Variants in PKP3 observed in about 807,000 individuals in gnomAD.
The protein encoded by PKP3 is plakophilin 3.
In PKP3, 66 loss-of-function variants were observed where a neutral mutation model predicts 76.5. The observed-to-expected ratio is 0.86, with a 90% CI of 0.71 to 1.06. PKP3 has a LOEUF of 1.06. PKP3 is among the 50% of genes least tolerant of loss of function. PKP3 has a pLI of 0.00. For missense variants in PKP3, 1,338 were observed against 1,141.0 expected (o/e 1.17, Z -2.49); for synonymous variants, 638 against 516.5 (o/e 1.24, Z -3.19).
Position 400,107 on chromosome 11 carries a change from G to A in PKP3, c.1414G>A (p.Ala472Thr), listed in dbSNP as rs201664455. ...CCTCATCCAGCAGAACGCCTCGGAG[G>A]CAGAGATCTTCTACAACGCCACCGG... ...PPLIQQNASE[A>T]EIFYNATGFL... The change falls in exon 6 of 13, where the codon GCA (alanine) becomes ACA (threonine). Residue 472 changes from alanine to threonine, a missense_variant. By Grantham distance (58) the Ala-to-Thr change is moderately conservative. Coordinates refer to ENST00000331563, the MANE Select transcript of PKP3 (RefSeq NM_007183.4). 826 of 1,584,730 alleles carry A rather than the reference G, an allele frequency of 5.2e-4. 1 individual carries two copies. Among genetic ancestry groups the A allele is most frequent in the Non-Finnish European group, 5.7e-4 (662 of 1,169,524 alleles).
In PKP3 at chr11:404,162, G is replaced by T; in HGVS notation, c.2270+27G>T. ...TAGGGGCCGACCCAGCCGTGCAGCA[G>T]CCTGGTCAGGGGTCCTCCCAGTCCA... On this transcript the variant is annotated intron_variant, in intron 11 of 12. Transcript: ENST00000331563. This position sits in a 1 kb window ranked among gnomAD's most constrained non-coding sequence, Gnocchi z 4.2. 2 of 1,608,392 alleles carry T rather than the reference G, an allele frequency of 1.2e-6. No homozygotes were observed. Among genetic ancestry groups the T allele is most frequent in the Non-Finnish European group, 1.7e-6 (2 of 1,176,854 alleles).
chr11:394,659 C>A, intron 1 of PKP3, 135 bp downstream of exon 1: 1 of 664,470 alleles, frequency 1.5e-6, no homozygotes, highest in Non-Finnish European at 2.0e-6. Context: ...TCACACACCC[C>A]GCCCCAGGGG....
chr11:396,882 G>A lies in PKP3; in HGVS notation c.381G>A (p.Leu127=). 6.3e-7 allele frequency: 1 copy of A among 1,599,744 alleles called. No individual in the cohort carries two copies. ...GGTCCTCCCGCTCCGCCGTGGATCTGAGCTGCAGTCGGAGGCTGAGTTCAG... is the reference window on the plus strand; with the variant it reads ...GGTCCTCCCGCTCCGCCGTGGATCTAAGCTGCAGTCGGAGGCTGAGTTCAG... The part of the protein sequence containing the change: ...ASWSSRSAVD[L]SCSRRLSSAH... Residue 127 remains leucine (L), a synonymous_variant, in exon 3 of 13, where the codon CTG becomes CTA. Coordinates refer to ENST00000331563, the MANE Select transcript of PKP3 (RefSeq NM_007183.4).
intron 6 of PKP3, 33 bp from the exon 7 acceptor site, chr11:400,301 C>T (rs769198319): frequency 6.6e-7 from 1 of 1,508,634 alleles, no homozygotes; most frequent in Non-Finnish European, 9.0e-7. Flanking sequence ...GATGCGGGGT[C>T]CCTGGGGGGC....
chr11:399,019 CTGG>C lies in PKP3; in HGVS notation c.1099_1101del (p.Val367del). The C allele has an allele frequency of 2.5e-6, 4 of 1,598,678 alleles. No homozygotes were observed. The highest frequency in any genetic ancestry group is 3.4e-6 in the Non-Finnish European group (4 of 1,170,408). ...CCGCAGCCTTCAGGCCGTGCCTAGGCTGGTGAAGCTCTTCAACCACGCCAACCA... is the reference window on the plus strand; with the variant it reads ...CCGCAGCCTTCAGGCCGTGCCTAGGCTGAAGCTCTTCAACCACGCCAACCA... On this transcript the variant is annotated inframe_deletion, in exon 5 of 13. Transcript: ENST00000331563.
intron 1 of PKP3, among the ~76,000 whole-genome samples, chr11:395,901 T>C (rs901250518): frequency 6.6e-6 from 1 of 152,176 alleles, no homozygotes; most frequent in South Asian, 2.1e-4. Flanking sequence ...CGTCGACGGC[T>C]GTCCCACCCC....
Position 400,029 on chromosome 11 carries a change from G to C in PKP3, c.1336G>C (p.Glu446Gln), listed in dbSNP as rs1281864201. 15 of 1,608,380 alleles carry C rather than the reference G, an allele frequency of 9.3e-6. No homozygotes were observed. Among genetic ancestry groups the C allele is most frequent in the Non-Finnish European group, 1.2e-5 (14 of 1,178,754 alleles). Reference sequence around the variant, plus strand: ...GGACCGCCTGGCCAGAGACACGCTGGAGCAGCTCACAGACCTGGTGTTGAG... The same window carrying C: ...GGACCGCCTGGCCAGAGACACGCTGCAGCAGCTCACAGACCTGGTGTTGAG... Reference protein sequence around the residue: ...LKDRLARDTLEQLTDLVLSPL... With the variant: ...LKDRLARDTLQQLTDLVLSPL... The change falls in exon 6 of 13, where the codon GAG becomes CAG. Residue 446 changes from glutamate to glutamine, a missense_variant. Transcript: ENST00000331563.
rs202227463 is a variant in PKP3, at chr11:403,981, G to A, written c.2116G>A (p.Gly706Ser). The change falls in exon 11 of 13, where the codon GGC (glycine) becomes AGC (serine). Residue 706 changes from glycine to serine, a missense_variant. Coordinates refer to ENST00000331563, the MANE Select transcript of PKP3 (RefSeq NM_007183.4). ...GAGCCACCTGATCGAGAAGCTGCCG[G>A]GCAGCGTGGGTGAGAAGTCGCCCCC... Reference protein sequence around the residue: ...VVSHLIEKLPGSVGEKSPPAE... With the variant: ...VVSHLIEKLPSSVGEKSPPAE... 4.6e-5 allele frequency: 74 copies of A among 1,608,670 alleles called. No individual in the cohort carries two copies. Among genetic ancestry groups the A allele is most frequent in the Non-Finnish European group, 6.2e-5 (73 of 1,177,288 alleles).
intron 4 of PKP3, 86 bp downstream of exon 4, chr11:397,748 C>A (rs2133597479): frequency 7.3e-7 from 1 of 1,366,844 alleles, no homozygotes; most frequent in Non-Finnish European, 1.0e-6. Context: ...GCTCACTGAG[C>A]ACCCCTCATG....
At position 396,852 on chromosome 11, in the gene PKP3, C is replaced by T. The variant is rs1303436833; in HGVS notation, c.351C>T (p.Ala117=). Reference sequence around the variant, plus strand: ...TCGCCAAGCCGGCCTACAGCCCAGCCTCCTGGTCCTCCCGCTCCGCCGTGG... The same window carrying T: ...TCGCCAAGCCGGCCTACAGCCCAGCTTCCTGGTCCTCCCGCTCCGCCGTGG... ...RPIAKPAYSP[A]SWSSRSAVDL... Residue 117 remains alanine (A), a synonymous_variant, in exon 3 of 13, where the codon GCC becomes GCT. Transcript: ENST00000331563. The T allele has an allele frequency of 3.1e-6, 5 of 1,600,350 alleles. No individual in the cohort carries two copies. The highest frequency in any genetic ancestry group is 4.2e-6 in the Non-Finnish European group (5 of 1,176,974).
rs998362581 is a variant in PKP3, at chr11:403,926, C to A, written c.2078-17C>A. 1 of 1,580,078 alleles carries A rather than the reference C, an allele frequency of 6.3e-7. No homozygotes were observed. The highest frequency in any genetic ancestry group is 8.6e-7 in the Non-Finnish European group (1 of 1,160,526). On this transcript the variant is annotated splice_polypyrimidine_tract_variant and intron_variant, in intron 10 of 12. Coordinates refer to ENST00000331563, the MANE Select transcript of PKP3 (RefSeq NM_007183.4). ...GGCCAGGAGTAGGGGTGCAGACTGA[C>A]CCCCGGCCTCCCACAGCCACGAAGG...
chr11:400,499 C>A (rs1273973360), intron 7 of PKP3, 36 bp from the exon 8 acceptor site: 4 of 1,501,826 alleles, frequency 2.7e-6, no homozygotes, highest in Non-Finnish European at 3.5e-6. Context: ...GGCCGCCGCT[C>A]TGACCCGCGC....
Position 396,888 on chromosome 11 carries a change from C to T in PKP3, c.387C>T (p.Cys129=). The T allele has an allele frequency of 6.3e-7, 1 of 1,598,260 alleles. No homozygotes were observed. Among genetic ancestry groups the T allele is most frequent in the Non-Finnish European group, 8.5e-7 (1 of 1,175,438 alleles). ...WSSRSAVDLS[C]SRRLSSAHNG... is the part of the protein sequence containing the mutation. ...CCCGCTCCGCCGTGGATCTGAGCTG[C>T]AGTCGGAGGCTGAGTTCAGCCCACA... Residue 129 remains cysteine (C), a synonymous_variant, in exon 3 of 13, where the codon TGC becomes TGT. Coordinates refer to ENST00000331563, the MANE Select transcript of PKP3 (RefSeq NM_007183.4).
intron 5 of PKP3, among the ~76,000 whole-genome samples, chr11:399,693 A>C: frequency 6.8e-6 from 1 of 146,514 alleles, no homozygotes; most frequent in African/African-American, 2.6e-5. Flanking sequence ...TCTTTCCTGG[A>C]CCCCCGGCCA....
At chr11:399,287 C>T (rs1468775754) in intron 5 of PKP3, 91 bp downstream of exon 5, 38 of 577,650 alleles carry the variant, frequency 6.6e-5, no homozygotes, top group Admixed American at 2.3e-4. Flanking sequence ...CCCCCCTCCA[C>T]CTGCCCACCA....
At position 397,197 on chromosome 11, in the gene PKP3, C is replaced by T. The variant is rs368824012; in HGVS notation, c.696C>T (p.Pro232=). The T allele has an allele frequency of 2.3e-4, 367 of 1,598,222 alleles. No individual in the cohort carries two copies. The highest frequency in any genetic ancestry group is 3.2e-4 in the South Asian group (29 of 90,974). ...GCCGGGCAGGGGGGCTGGACTGGCC[C>T]GAGGCCACTGAGGTTTCCCCGAGCC... ...SSSRAGGLDW[P]EATEVSPSRT... The change falls in exon 3 of 13, where the codon CCC becomes CCT. Residue 232 remains proline, a synonymous_variant. Coordinates refer to ENST00000331563, the MANE Select transcript of PKP3 (RefSeq NM_007183.4).
chr11:404,178 T>C lies in PKP3; in HGVS notation c.2270+43T>C. ...CGTGCAGCAGCCTGGTCAGGGGTCC[T>C]CCCAGTCCACCCTGCTTTCTGGCTG... On this transcript the variant is annotated intron_variant, in intron 11 of 12. Coordinates refer to ENST00000331563, the MANE Select transcript of PKP3 (RefSeq NM_007183.4). The surrounding 1 kb of genome is among the most constrained non-coding windows in gnomAD (Gnocchi z 4.2). 1 of 1,606,522 alleles carries C rather than the reference T, an allele frequency of 6.2e-7. No homozygotes were observed. Among genetic ancestry groups the C allele is most frequent in the Non-Finnish European group, 8.5e-7 (1 of 1,174,884 alleles).
rs763232627 is a variant in PKP3 at position 399,085 on chromosome 11, C to T, written c.1162C>T (p.Leu388Phe). The stretch of plus-strand genomic sequence containing the variant: ...CCATGCCACAGGTGCCATGCGCAAC[C>T]TCATCTACGACAACGCTGACAACAA... ...QRHATGAMRN[L>F]IYDNADNKLA... Residue 388 changes from leucine to phenylalanine, a missense_variant, in exon 5 of 13, where the codon CTC becomes TTC. Physicochemically the swap from Leu to Phe is conservative, Grantham distance 22. Transcript: ENST00000331563. 4.3e-6 allele frequency: 7 copies of T among 1,611,934 alleles called. No homozygotes were observed. The East Asian group carries it at 6.7e-5, about 15-fold the overall frequency.
At chr11:396,331 G>A (rs906201265) in intron 1 of PKP3, 37 of 417,140 alleles carry the variant, frequency 8.9e-5, no homozygotes, top group African/African-American at 2.5e-4. Flanking sequence ...TCCTCCTGGC[G>A]ACCAGGAGGT....
Sources: allele counts gnomAD v4.1 joint callset (sites outside exome capture counted in the v4.1 genomes callset), GRCh38; gene constraint gnomAD v4.1.1; non-coding constraint Gnocchi (gnomAD v3.1); transcripts MANE v1.5; gene names NCBI Gene and HGNC (gene_info 2026-07-23, HGNC 2026-07-21).